Variants in EPHB1 observed in about 807,000 individuals in gnomAD.
EPHB1 encodes the protein ephrin type-B receptor 1.
Under a neutral mutation model 94.4 loss-of-function variants are expected in EPHB1, and 30 were observed. The ratio of observed to expected loss-of-function variants is 0.32; its 90% CI spans 0.24 to 0.43. The LOEUF (loss-of-function observed/expected upper bound fraction) is 0.43, where lower values mean the gene tolerates loss of function less well. EPHB1 is among the 20% of genes least tolerant of loss of function. The probability of loss-of-function intolerance (pLI) is 1.00; values close to 1 mark genes in which losing one functional copy is unlikely to be tolerated. For synonymous variants in EPHB1, 522 were observed against 489.1 expected, an observed-to-expected ratio of 1.07 and a Z score of -0.89; for missense variants, 1,055 against 1,308.3, an observed-to-expected ratio of 0.81 and a Z score of 2.99.
intron 1 of EPHB1, among the ~76,000 whole-genome samples, chr3:134,855,456 C>T (rs2037092213): frequency 6.6e-6 from 1 of 152,116 alleles, no homozygotes; most frequent in Non-Finnish European, 1.5e-5. Context: ...GGAAGAAACT[C>T]AACTGCTGGA....
At chr3:134,805,555 C>G (rs889176478) in intron 1 of EPHB1, among the ~76,000 whole-genome samples, 2 of 152,130 alleles carry the variant, frequency 1.3e-5, no homozygotes, top group African/African-American at 4.8e-5. Flanking sequence ...TCCTGCCCAG[C>G]AGCACTTCCT....
chr3:135,141,574 G>A (rs985076152), intron 5 of EPHB1, among the ~76,000 whole-genome samples: 5 of 152,134 alleles, frequency 3.3e-5, no homozygotes, highest in Non-Finnish European at 7.4e-5. Flanking sequence ...TAGGAGGTGG[G>A]TGTGCAGGAG....
At chr3:135,018,493 A>G (rs1013005736) in intron 3 of EPHB1, among the ~76,000 whole-genome samples, 2 of 152,014 alleles carry the variant, frequency 1.3e-5, no homozygotes, top group Non-Finnish European at 2.9e-5. Flanking sequence ...TTCTCAGCCC[A>G]CTGCAATCCC....
intron 11 of EPHB1, among the ~76,000 whole-genome samples, chr3:135,193,617 T>A (rs1942518143): frequency 6.6e-6 from 1 of 152,158 alleles, no homozygotes; most frequent in Non-Finnish European, 1.5e-5. Context: ...CATCAAAGAA[T>A]GGGCAGAGCC....
At chr3:135,062,044 G>A (rs1937518738) in intron 3 of EPHB1, among the ~76,000 whole-genome samples, 1 of 152,118 alleles carries the variant, frequency 6.6e-6, no homozygotes, top group Non-Finnish European at 1.5e-5. Context: ...TGTGAATAGT[G>A]CTGCAATAAA....
chr3:135,155,168 G>A (rs1941312525), intron 6 of EPHB1, among the ~76,000 whole-genome samples: 1 of 152,138 alleles, frequency 6.6e-6, no homozygotes, highest in South Asian at 2.1e-4. Flanking sequence ...CATATAGTGT[G>A]TTAGAAAATC....
At position 134,952,040 on chromosome 3, in the gene EPHB1, G is replaced by A. The variant is rs200018500; in HGVS notation, c.793G>A (p.Val265Met). Residue 265 changes from valine to methionine, a missense_variant, in exon 3 of 16, where the codon GTG becomes ATG. By Grantham distance (21) the Val-to-Met change is conservative. Coordinates refer to ENST00000398015, the MANE Select transcript of EPHB1 (RefSeq NM_004441.5). ...GCCTGGCTATGAGCCTGAGAACAGC[G>A]TGGCATGCAAGGGTAAGCTTTGGAG... ...CKPGYEPENS[V>M]ACKACPAGTF... 70 of 1,605,358 alleles carry A rather than the reference G, an allele frequency of 4.4e-5. 1 individual carries two copies. Among genetic ancestry groups the A allele is most frequent in the African/African-American group, 3.5e-4 (26 of 74,940 alleles).
chr3:134,941,900 A>C (rs1466597649), intron 2 of EPHB1, among the ~76,000 whole-genome samples: 5 of 152,104 alleles, frequency 3.3e-5, no homozygotes, highest in Non-Finnish European at 7.4e-5. Flanking sequence ...AAGCCTAACA[A>C]ACCTAGATCT....
rs138072564 is a variant in EPHB1, at chr3:135,242,418, C to G, written c.2496+1121C>G. On this transcript the variant is annotated intron_variant, in intron 13 of 15. Transcript: ENST00000398015. The stretch of plus-strand genomic sequence containing the variant: ...ACTTGTCAGCTATGGAGTCAGCAAG[C>G]CTTCTATCCTGTGAAAGGTTTAGTG... Among the ~76,000 whole-genome samples, 260 of 152,240 alleles carry G rather than the reference C, an allele frequency of 1.7e-3. 1 individual carries two copies. Among genetic ancestry groups the G allele is most frequent in the South Asian group, 0.015 (70 of 4,810 alleles).
intron 3 of EPHB1, among the ~76,000 whole-genome samples, chr3:134,973,904 A>G (rs940496445): frequency 6.6e-6 from 1 of 152,134 alleles, no homozygotes; most frequent in Non-Finnish European, 1.5e-5. Flanking sequence ...CCTGGAGAGT[A>G]TACCTTATTC....
At chr3:135,189,501 G>T (rs4894288) in intron 10 of EPHB1, among the ~76,000 whole-genome samples, 151,033 of 152,368 alleles carry the variant, frequency 0.99, 74,872 homozygotes, top group East Asian at 1. Flanking sequence ...GTATTGAAAT[G>T]CTCAATAGTT....
chr3:134,994,248 G>T (rs555065934), intron 3 of EPHB1, among the ~76,000 whole-genome samples: 1 of 152,082 alleles, frequency 6.6e-6, no homozygotes, highest in Non-Finnish European at 1.5e-5. Context: ...ACAAATAAGC[G>T]AATGAATGAA....
intron 3 of EPHB1, among the ~76,000 whole-genome samples, chr3:135,054,325 G>A (rs1937283949): frequency 6.6e-6 from 1 of 152,090 alleles, no homozygotes; most frequent in Non-Finnish European, 1.5e-5. Context: ...AGCCTACTGT[G>A]CAGATTTTGG....
At chr3:135,081,277 C>G (rs951158118) in intron 3 of EPHB1, among the ~76,000 whole-genome samples, 41 of 152,194 alleles carry the variant, frequency 2.7e-4, no homozygotes, top group African/African-American at 9.2e-4. Flanking sequence ...TTATTTTAAG[C>G]TACTTTAGAA....
chr3:135,209,898 C>T (rs1228840347), intron 12 of EPHB1, among the ~76,000 whole-genome samples: 1 of 152,132 alleles, frequency 6.6e-6, no homozygotes, highest in Non-Finnish European at 1.5e-5. Context: ...TGGGATGCAG[C>T]AAATGAATCC....
At chr3:134,945,263 G>T (rs62270322) in intron 2 of EPHB1, among the ~76,000 whole-genome samples, 18,819 of 152,034 alleles carry the variant, frequency 0.12, 1,312 homozygotes, top group African/African-American at 0.15. Context: ...GTATAGAGAT[G>T]AATTTATCAA....
In EPHB1 at chr3:134,811,641, T is replaced by A. The variant is rs1226853467; in HGVS notation, c.58+15952T>A. ...ACATCTGTTCATGTACTGAGGCCCT[T>A]TGGTGGGCCACAAACCGTTATAAGA... is the stretch of plus-strand genomic sequence containing the variant. On this transcript the variant is annotated intron_variant, in intron 1 of 15. Transcript: ENST00000398015. Among the ~76,000 whole-genome samples the A allele has an allele frequency of 2.0e-5, 3 of 151,512 alleles. No homozygotes were observed. The South Asian group carries it at 6.2e-4, about 31-fold the overall frequency.
intron 15 of EPHB1, among the ~76,000 whole-genome samples, chr3:135,253,450 C>T (rs1245930313): frequency 6.7e-6 from 1 of 150,374 alleles, no homozygotes; most frequent in Non-Finnish European, 1.5e-5. Context: ...GTTTTCCCAG[C>T]ACCATTTATT....
intron 3 of EPHB1, among the ~76,000 whole-genome samples, chr3:135,087,658 A>C (rs1938406819): frequency 6.6e-6 from 1 of 152,128 alleles, no homozygotes; most frequent in Admixed American, 6.6e-5. Flanking sequence ...TCCATGCACA[A>C]TAATATAATT....
Sources: gnomAD v4.1 joint callset for allele counts (sites outside exome capture counted in the v4.1 genomes callset) on GRCh38, gnomAD v4.1.1 for gene constraint, MANE v1.5 for transcripts, NCBI Gene and HGNC (gene_info 2026-07-23, HGNC 2026-07-21) for gene names.